Variants in TMEFF2 observed in about 807,000 individuals in gnomAD.
TMEFF2 encodes tomoregulin-2.
TMEFF2 carries 28 observed loss-of-function variants against 53.8 expected under a neutral mutation model. That is an observed-to-expected ratio of 0.52 (90% CI 0.39 to 0.71). TMEFF2 has a LOEUF of 0.71. TMEFF2 is among the 30% of genes least tolerant of loss of function. The pLI is 0.00. For synonymous variants in TMEFF2, 162 were observed against 166.3 expected (o/e 0.97, Z 0.20); for missense variants, 353 against 455.2 (o/e 0.78, Z 2.04).
intron 5 of TMEFF2, among the ~76,000 whole-genome samples, chr2:192,051,686 T>C (rs1345871014): frequency 1.3e-5 from 2 of 152,150 alleles, no homozygotes; most frequent in African/African-American, 4.8e-5. Flanking sequence ...CCACTTCAAA[T>C]ATTCATGAGC....
intron 4 of TMEFF2, among the ~76,000 whole-genome samples, chr2:192,160,877 G>A (rs1416323047): frequency 6.6e-6 from 1 of 152,176 alleles, no homozygotes; most frequent in Non-Finnish European, 1.5e-5. Context: ...AGAGAAGAAA[G>A]TTTATGTAGA....
At chr2:191,950,651 G>A (rs549489367) in intron 9 of TMEFF2, among the ~76,000 whole-genome samples, 1 of 152,170 alleles carries the variant, frequency 6.6e-6, no homozygotes, top group Admixed American at 6.5e-5. Context: ...CATTTACTTT[G>A]TCCTTAACTG....
chr2:192,022,258 A>C (rs1205316958), intron 5 of TMEFF2, among the ~76,000 whole-genome samples: 1 of 152,178 alleles, frequency 6.6e-6, no homozygotes, highest in African/African-American at 2.4e-5. Context: ...GTGCAGCTTC[A>C]TAGTAAAGGT....
chr2:192,119,136 G>A (rs1689485961), intron 4 of TMEFF2, among the ~76,000 whole-genome samples: 1 of 152,126 alleles, frequency 6.6e-6, no homozygotes, highest in African/African-American at 2.4e-5. Flanking sequence ...GCAAAATCAA[G>A]TATGTTGTCC....
intron 5 of TMEFF2, among the ~76,000 whole-genome samples, chr2:192,006,690 C>T (rs980872690): frequency 3.9e-5 from 6 of 152,142 alleles, no homozygotes; most frequent in Admixed American, 2.0e-4. Flanking sequence ...CAAATACATA[C>T]TGTCCATCAT....
intron 7 of TMEFF2, among the ~76,000 whole-genome samples, chr2:191,971,604 T>C (rs2105804491): frequency 6.6e-6 from 1 of 152,316 alleles, no homozygotes; most frequent in East Asian, 1.9e-4. Context: ...GTAACAAACA[T>C]GTTTTCTCTC....
intron 4 of TMEFF2, among the ~76,000 whole-genome samples, chr2:192,126,523 G>C (rs1255203217): frequency 6.6e-6 from 1 of 152,110 alleles, no homozygotes; most frequent in Non-Finnish European, 1.5e-5. Flanking sequence ...AAAACTGTCA[G>C]TCCCAAACTA....
At chr2:192,125,133 A>G (rs920973838) in intron 4 of TMEFF2, among the ~76,000 whole-genome samples, 28 of 152,204 alleles carry the variant, frequency 1.8e-4, no homozygotes, top group African/African-American at 6.8e-4. Flanking sequence ...ACAGAATTAT[A>G]TTTTTAAAAG....
chr2:192,059,847 G>A (rs1688000690), intron 4 of TMEFF2, among the ~76,000 whole-genome samples: 1 of 152,142 alleles, frequency 6.6e-6, no homozygotes, highest in African/African-American at 2.4e-5. Flanking sequence ...TAAGTATTGT[G>A]TGAATAAAGT....
intron 3 of TMEFF2, among the ~76,000 whole-genome samples, chr2:192,182,473 C>T (rs531576406): frequency 3.9e-5 from 6 of 151,924 alleles, no homozygotes; most frequent in Non-Finnish European, 8.8e-5. Flanking sequence ...AGATGGATTA[C>T]TCGATTGTGA....
intron 5 of TMEFF2, among the ~76,000 whole-genome samples, chr2:192,043,105 A>T (rs562694233): frequency 6.6e-6 from 1 of 152,234 alleles, no homozygotes; most frequent in African/African-American, 2.4e-5. Context: ...AGCAATCAGA[A>T]TAGCCAGATT....
At chr2:192,193,757 T>TAGAGAGAGAGAGAGAG (rs1491267223) in intron 1 of TMEFF2, among the ~76,000 whole-genome samples, 4 of 26,630 alleles carry the variant, frequency 1.5e-4, no homozygotes, top group African/African-American at 4.2e-4. Flanking sequence ...GAGAGATAGA[T>TAGAGAGAGAGAGAGAG]AGATAGAGAG....
intron 7 of TMEFF2, among the ~76,000 whole-genome samples, chr2:191,997,768 G>T (rs891782559): frequency 5.3e-5 from 8 of 151,526 alleles, no homozygotes; most frequent in Non-Finnish European, 1.0e-4. Context: ...ATAAGTTAAA[G>T]AAATTTACTA....
At chr2:191,976,927 T>C (rs1386070225) in intron 7 of TMEFF2, among the ~76,000 whole-genome samples, 3 of 152,250 alleles carry the variant, frequency 2.0e-5, no homozygotes, top group Non-Finnish European at 4.4e-5. Flanking sequence ...GGGCAACTTA[T>C]TAACCTTTAT....
chr2:192,003,542 T>G (rs1035693650), intron 5 of TMEFF2, among the ~76,000 whole-genome samples: 3 of 152,204 alleles, frequency 2.0e-5, no homozygotes, highest in Non-Finnish European at 4.4e-5. Context: ...AGACTTTTTG[T>G]GCATCACTGG....
At chr2:192,172,024 C>T (rs1286133262) in intron 4 of TMEFF2, among the ~76,000 whole-genome samples, 1 of 151,942 alleles carries the variant, frequency 6.6e-6, no homozygotes, top group Non-Finnish European at 1.5e-5. Context: ...AGTTGAGTCC[C>T]TCTCCAGGTC....
chr2:192,071,187 G>GTTT (rs1251518350), intron 4 of TMEFF2, among the ~76,000 whole-genome samples: 2 of 151,886 alleles, frequency 1.3e-5, no homozygotes, highest in Non-Finnish European at 2.9e-5. Flanking sequence ...TAATGTCAAT[G>GTTT]TTTAAGATAG....
intron 7 of TMEFF2, among the ~76,000 whole-genome samples, chr2:191,967,628 T>C (rs1280337536): frequency 6.6e-6 from 1 of 152,130 alleles, no homozygotes; most frequent in Non-Finnish European, 1.5e-5. Flanking sequence ...GTTCCTGACC[T>C]CACGTCACCA....
At chr2:192,041,779 G>T (rs1031072477) in intron 5 of TMEFF2, among the ~76,000 whole-genome samples, 2 of 152,168 alleles carry the variant, frequency 1.3e-5, no homozygotes, top group Non-Finnish European at 2.9e-5. Flanking sequence ...TACTTTTCAT[G>T]CTAGGGAAGC....
Sources: gnomAD v4.1 joint callset for allele counts (sites outside exome capture counted in the v4.1 genomes callset) on GRCh38, gnomAD v4.1.1 for gene constraint, MANE v1.5 for transcripts, NCBI Gene and HGNC (gene_info 2026-07-23, HGNC 2026-07-21) for gene names.